The following DGCR8 variants were observed in gnomAD, a reference collection of about 807,000 sequenced individuals.
DGCR8 encodes DGCR8 microprocessor complex subunit.
Under a neutral mutation model 78.5 loss-of-function variants are expected in DGCR8, and 14 were observed. That is an observed-to-expected ratio of 0.18 (90% CI 0.12 to 0.28). The LOEUF is 0.28. Among genes scored for constraint, DGCR8 ranks in the 10% least tolerant of loss-of-function variants. The probability of loss-of-function intolerance (pLI) is 1.00; values close to 1 mark genes in which losing one functional copy is unlikely to be tolerated. For missense variants in DGCR8, 702 were observed against 1,022.5 expected, an observed-to-expected ratio of 0.69 and a Z score of 4.28; for synonymous variants, 399 against 402.4, an observed-to-expected ratio of 0.99 and a Z score of 0.10.
rs1174314461 is a variant in DGCR8 at position 20,080,329 on chromosome 22, C to T, written c.-332C>T. On this transcript the variant is annotated 5_prime_UTR_variant, in exon 1 of 14. Transcript: ENST00000351989. ...TGGCTGCGGCGGTCGGTCGGTGAGG[C>T]TTTCCCGGCTGTGGTTTGGCTGCGG... 7.1e-6 allele frequency: 7 copies of T among 980,860 alleles called. No individual in the cohort carries two copies. The highest frequency in any genetic ancestry group is 3.5e-5 in the African/African-American group (2 of 56,772). 60.8% of individuals were successfully genotyped at this position (980,860 alleles called of 1,614,324 possible).
At chr22:20,095,520 T>G (rs2049618468) in intron 9 of DGCR8, among the ~76,000 whole-genome samples, 2 of 152,192 alleles carry the variant, frequency 1.3e-5, no homozygotes, top group African/African-American at 4.8e-5. Flanking sequence ...CTTAACTACT[T>G]ACTGGTAACC....
intron 3 of DGCR8, among the ~76,000 whole-genome samples, chr22:20,088,253 C>A (rs1216598007): frequency 6.6e-6 from 1 of 152,124 alleles, no homozygotes; most frequent in Non-Finnish European, 1.5e-5. Context: ...GCAGGGTAAA[C>A]CTGGGGCTTC....
At position 20,091,882 on chromosome 22, in the gene DGCR8, C is replaced by T; in HGVS notation, c.1518C>T (p.Asn506=). ...TTTTTGTCACAGAGTTTGTTATTAA[C>T]CCCAACGGGAAATCCGAGGTCTGCA... The part of the protein sequence containing the change: ...DAPTKKEFVI[N]PNGKSEVCIL... The change falls in exon 7 of 14, where the codon AAC becomes AAT. Residue 506 remains asparagine (N), a synonymous_variant. Coordinates refer to ENST00000351989, the MANE Select transcript of DGCR8 (RefSeq NM_022720.7). 1 of 1,614,100 alleles carries T rather than the reference C, an allele frequency of 6.2e-7. No homozygotes were observed. Among genetic ancestry groups the T allele is most frequent in the Non-Finnish European group, 8.5e-7 (1 of 1,180,004 alleles).
chr22:20,082,096 G>A (rs908716422), intron 1 of DGCR8, among the ~76,000 whole-genome samples: 6 of 145,256 alleles, frequency 4.1e-5, no homozygotes, highest in African/African-American at 1.3e-4. Context: ...TCGCTCTGTC[G>A]CCCAGACTGG....
Position 20,086,786 on chromosome 22 carries a change from A to C in DGCR8, c.720+103A>C, listed in dbSNP as rs1370178173. Reference sequence around the variant, plus strand: ...AGCAGGGAAATTAAAAAAAAAAAAAACAAAAACCAAAATCCCCTCTGAGGT... The same window carrying C: ...AGCAGGGAAATTAAAAAAAAAAAAACCAAAAACCAAAATCCCCTCTGAGGT... On this transcript the variant is annotated intron_variant, in intron 2 of 13. Transcript: ENST00000351989. The surrounding 1 kb of genome is among the most constrained non-coding windows in gnomAD (Gnocchi z 6.4). 6.2e-6 allele frequency: 8 copies of C among 1,295,434 alleles called. No individual in the cohort carries two copies. Among genetic ancestry groups the C allele is most frequent in the South Asian group, 4.4e-5 (3 of 68,014 alleles). The allele number at this position is 1,295,434 out of a possible 1,614,324, so 80.2% of individuals were successfully genotyped here.
At chr22:20,109,346 T>A (rs2049807433) in intron 13 of DGCR8, among the ~76,000 whole-genome samples, 1 of 152,194 alleles carries the variant, frequency 6.6e-6, no homozygotes, top group Non-Finnish European at 1.5e-5. Context: ...TTGGTCCTGA[T>A]GAAGCCTCCT....
At position 20,091,377 on chromosome 22, in the gene DGCR8, G is replaced by C; in HGVS notation, c.1307-58G>C. Reference sequence around the variant, plus strand: ...GCCTGCCCCATGCACTGGGCTGTGAGAACCTGACTCCTATGTTGGAAGTTA... The same window carrying C: ...GCCTGCCCCATGCACTGGGCTGTGACAACCTGACTCCTATGTTGGAAGTTA... On this transcript the variant is annotated intron_variant, in intron 5 of 13. Coordinates refer to ENST00000351989, the MANE Select transcript of DGCR8 (RefSeq NM_022720.7). 3 of 1,581,488 alleles carry C rather than the reference G, an allele frequency of 1.9e-6. No homozygotes were observed. The South Asian group carries it at 3.3e-5, about 18-fold the overall frequency.
rs1229799526 is a variant in DGCR8 at position 20,090,541 on chromosome 22, T to G, written c.1306+283T>G. Among the ~76,000 whole-genome samples the G allele has an allele frequency of 4.6e-5, 7 of 152,166 alleles. No individual in the cohort carries two copies. The South Asian group carries it at 1.2e-3, about 27-fold the overall frequency. ...GGCAGTGGGCCGTTTTCTCTCTGGTTGTTTGTATGATCTTTCCCTAAGTCT... is the reference window on the plus strand; with the variant it reads ...GGCAGTGGGCCGTTTTCTCTCTGGTGGTTTGTATGATCTTTCCCTAAGTCT... On this transcript the variant is annotated intron_variant, in intron 5 of 13. Transcript: ENST00000351989.
chr22:20,093,880 G>A (rs1316299373), intron 8 of DGCR8, among the ~76,000 whole-genome samples: 2 of 152,220 alleles, frequency 1.3e-5, no homozygotes, highest in African/African-American at 2.4e-5. Flanking sequence ...TGTACCCCAG[G>A]CCCTCGCACC....
chr22:20,081,863 A>G (rs921363958), intron 1 of DGCR8, among the ~76,000 whole-genome samples: 2 of 151,956 alleles, frequency 1.3e-5, no homozygotes, highest in Non-Finnish European at 2.9e-5. Context: ...TTACACCTTC[A>G]TGCAGTCCTA....
rs997747775 is a variant in DGCR8, at chr22:20,091,724, G to A, written c.1504+92G>A. 3.5e-5 allele frequency: 54 copies of A among 1,546,922 alleles called. No individual in the cohort carries two copies. The Admixed American group carries it at 3.7e-4, about 11-fold the overall frequency. ...GGGCATGTTTTATGAGTTGCATTTC[G>A]TTCAAAGTTTATGTTTATCCCATGA... On this transcript the variant is annotated intron_variant, in intron 6 of 13. Coordinates refer to ENST00000351989, the MANE Select transcript of DGCR8 (RefSeq NM_022720.7).
intron 6 of DGCR8, 28 bp downstream of exon 6, chr22:20,091,660 C>T (rs754326078): frequency 6.2e-7 from 1 of 1,608,408 alleles, no homozygotes; most frequent in Non-Finnish European, 8.5e-7. Flanking sequence ...TTAACATCAG[C>T]AGACTGGTTA....
chr22:20,092,051 C>T (rs757717070), intron 7 of DGCR8, 81 bp downstream of exon 7: 174 of 1,072,592 alleles, frequency 1.6e-4, no homozygotes, highest in Non-Finnish European at 2.3e-4. Flanking sequence ...AGGCGCTGAC[C>T]GCTAGCCCTA....
intron 1 of DGCR8, among the ~76,000 whole-genome samples, chr22:20,081,937 A>G (rs891344352): frequency 4.6e-5 from 7 of 151,700 alleles, no homozygotes; most frequent in Non-Finnish European, 8.8e-5. Flanking sequence ...TCAAGTTAAC[A>G]TCCTGGCCCA....
At chr22:20,108,070 A>T (rs2049791265) in intron 12 of DGCR8, 1 of 152,924 alleles carries the variant, frequency 6.5e-6, no homozygotes, top group Non-Finnish European at 1.5e-5. Context: ...CCTCTGCCCA[A>T]GCCAGCTGCC....
rs776862705 is a variant in DGCR8 at position 20,087,239 on chromosome 22, A to G, written c.798A>G (p.Lys266=). The part of the protein sequence containing the change: ...CAPKKRRTEE[K]YGGDSDHPSD... ...CCAAAAAGAGGCGAACAGAGGAAAA[A>G]TATGGCGGAGACAGCGACCATCCGT... The change falls in exon 3 of 14, where the codon AAA becomes AAG. Residue 266 remains lysine (K), a synonymous_variant. Coordinates refer to ENST00000351989, the MANE Select transcript of DGCR8 (RefSeq NM_022720.7). The surrounding 1 kb of genome is among the most constrained non-coding windows in gnomAD (Gnocchi z 4.1). 3 of 1,613,986 alleles carry G rather than the reference A, an allele frequency of 1.9e-6. No homozygotes were observed. The East Asian group carries it at 6.7e-5, about 36-fold the overall frequency.
Position 20,111,706 on chromosome 22 carries a change from G to GCCGGGGGGCCCCCCCCC in DGCR8, c.*1600_*1601insGGGGGGCCCCCCCCCCC. ...TGCCATACTCTTGTGGTCTCTGTGC[G>GCCGGGGGGCCCCCCCCC]CCCCCCCCCCCCCCCCACCCGTCTG... is the stretch of plus-strand genomic sequence containing the variant. On this transcript the variant is annotated 3_prime_UTR_variant, in exon 14 of 14. Coordinates refer to ENST00000351989, the MANE Select transcript of DGCR8 (RefSeq NM_022720.7). 1 of 63,040 alleles carries GCCGGGGGGCCCCCCCCC rather than the reference G, an allele frequency of 1.6e-5. No individual in the cohort carries two copies. The highest frequency in any genetic ancestry group is 3.0e-5 in the Non-Finnish European group (1 of 33,560). The allele number at this position is 63,040 out of a possible 1,614,324, so 3.9% of individuals were successfully genotyped here. A position where few individuals can be genotyped will look rare whatever the true frequency, so the allele number is the denominator to read the frequency against.
In DGCR8 at chr22:20,085,071, A is replaced by G; in HGVS notation, c.-277-616A>G. ...CCACAGCCACCCACCCCTCTCCTCC[A>G]TCGGGAACAGAACTATGCTGCCACC... On this transcript the variant is annotated intron_variant, in intron 1 of 13. Coordinates refer to ENST00000351989, the MANE Select transcript of DGCR8 (RefSeq NM_022720.7). The surrounding 1 kb of genome is among the most constrained non-coding windows in gnomAD (Gnocchi z 6.2). 3 of 964,864 alleles carry G rather than the reference A, an allele frequency of 3.1e-6. No individual in the cohort carries two copies. The highest frequency in any genetic ancestry group is 3.7e-6 in the Non-Finnish European group (3 of 813,784). The allele number at this position is 964,864 out of a possible 1,614,324, so 59.8% of individuals were successfully genotyped here.
Position 20,085,911 on chromosome 22 carries a change from T to C in DGCR8, c.-53T>C, listed in dbSNP as rs2049475739. The C allele has an allele frequency of 6.7e-7, 1 of 1,499,344 alleles. No individual in the cohort carries two copies. Among genetic ancestry groups the C allele is most frequent in the Admixed American group, 2.2e-5 (1 of 45,396 alleles). The allele number at this position is 1,499,344 out of a possible 1,614,324, so 92.9% of individuals were successfully genotyped here. ...TGTGCATGTTAGCTGTGTAGATTTA[T>C]GTGAGGGCTTGTAAAACTCTGGTCT... On this transcript the variant is annotated 5_prime_UTR_variant, in exon 2 of 14. The change abolishes an upstream ATG in the 5' untranslated region. Transcript: ENST00000351989. The surrounding 1 kb of genome is among the most constrained non-coding windows in gnomAD (Gnocchi z 6.2).
Sources: allele counts gnomAD v4.1 joint callset (sites outside exome capture counted in the v4.1 genomes callset), GRCh38; gene constraint gnomAD v4.1.1; non-coding constraint Gnocchi (gnomAD v3.1); transcripts MANE v1.5; gene names NCBI Gene and HGNC (gene_info 2026-07-23, HGNC 2026-07-21).